TLK1: variants seen among roughly 807,000 people sequenced by gnomAD.
TLK1 encodes tousled like kinase 1.
TLK1 carries 24 observed loss-of-function variants against 105.3 expected under a neutral mutation model. That is an observed-to-expected ratio of 0.23 (90% CI 0.17 to 0.32). The LOEUF (loss-of-function observed/expected upper bound fraction) is 0.32, where lower values mean the gene tolerates loss of function less well. TLK1 is among the 10% of genes least tolerant of loss of function. The pLI, the probability that TLK1 is intolerant of heterozygous loss-of-function variation, is 1.00. For synonymous variants in TLK1, 321 were observed against 310.4 expected (o/e 1.03, Z -0.36); for missense variants, 558 against 910.5 (o/e 0.61, Z 4.98).
intron 1 of TLK1, among the ~76,000 whole-genome samples, chr2:171,126,890 G>T (rs192906984): frequency 6.7e-6 from 1 of 149,754 alleles, no homozygotes; most frequent in East Asian, 1.9e-4. Context: ...CTATGACAAC[G>T]AAATTATTTC....
At chr2:171,011,056 G>C (rs1684892580) in intron 14 of TLK1, among the ~76,000 whole-genome samples, 1 of 152,108 alleles carries the variant, frequency 6.6e-6, no homozygotes, top group African/African-American at 2.4e-5. Flanking sequence ...CCATACTAGA[G>C]TGCAGTGGTG....
upstream of TLK1, among the ~76,000 whole-genome samples, chr2:171,161,581 G>A (rs1006525363): frequency 1.3e-5 from 2 of 152,200 alleles, no homozygotes; most frequent in African/African-American, 2.4e-5. Context: ...CAGTTTTGTA[G>A]ACTGTATGGT....
chr2:171,205,749 A>C (rs1433253732), intron 1 of TLK1, among the ~76,000 whole-genome samples: 6 of 152,180 alleles, frequency 3.9e-5, no homozygotes, highest in Non-Finnish European at 8.8e-5. Flanking sequence ...CATTCTCTTC[A>C]CTTAAGCTGA....
intron 1 of TLK1, among the ~76,000 whole-genome samples, chr2:171,167,293 G>A (rs1692627109): frequency 6.6e-6 from 1 of 152,164 alleles, no homozygotes; most frequent in Admixed American, 6.5e-5. Flanking sequence ...TCTTATCAGA[G>A]TGAATTGAAA....
Position 171,210,045 on chromosome 2 carries a change from A to C in TLK1, c.-6+21100T>G, listed in dbSNP as rs114950015. On this transcript the variant is annotated intron_variant, in intron 1 of 20. Coordinates refer to the TLK1 transcript ENST00000521943. ...CTATTAGCTAATCAGGTAAATCAAAATACAGTGTCATGTCTTCATTTATGT... is the reference window on the plus strand; with the variant it reads ...CTATTAGCTAATCAGGTAAATCAAACTACAGTGTCATGTCTTCATTTATGT... Among the ~76,000 whole-genome samples the C allele has an allele frequency of 3.8e-3, 574 of 152,270 alleles. 7 individuals are homozygous for C. Among genetic ancestry groups the C allele is most frequent in the African/African-American group, 0.012 (519 of 41,536 alleles).
intron 1 of TLK1, among the ~76,000 whole-genome samples, chr2:171,118,761 G>T (rs1035267536): frequency 6.6e-6 from 1 of 152,182 alleles, no homozygotes; most frequent in Non-Finnish European, 1.5e-5. Flanking sequence ...AATCCAGAAT[G>T]ACTTGGGGAA....
In TLK1 at chr2:170,992,021, GTTTAAC is replaced by G. The variant is rs1287859371; in HGVS notation, c.*1753_*1758del. On this transcript the variant is annotated 3_prime_UTR_variant, in exon 21 of 21. Transcript: ENST00000431350. The stretch of plus-strand genomic sequence containing the variant: ...GAGTTGCCTTGATAATGGTTATTAG[GTTTAAC>G]TTTAACAGCTTGAAACAATTTACAC... 3 of 151,990 alleles carry G rather than the reference GTTTAAC, an allele frequency of 2.0e-5. No individual in the cohort carries two copies. The highest frequency in any genetic ancestry group is 4.4e-5 in the Non-Finnish European group (3 of 67,988). The allele number at this position is 151,990 out of a possible 1,614,324, so 9.4% of individuals were successfully genotyped here.
intron 3 of TLK1, among the ~76,000 whole-genome samples, chr2:171,063,129 T>C (rs1159757807): frequency 6.6e-6 from 1 of 152,152 alleles, no homozygotes; most frequent in African/African-American, 2.4e-5. Flanking sequence ...GCAGATCATA[T>C]GAGGTCAGGA....
chr2:171,015,283 C>T lies in TLK1; in HGVS notation c.1237-335G>A, dbSNP rs575476379. On this transcript the variant is annotated intron_variant, in intron 12 of 20. Coordinates refer to ENST00000431350, the MANE Select transcript of TLK1 (RefSeq NM_012290.5). ...TAAAATGAGCCATTTCTAGTCCATG[C>T]AAATTTTAATTTAAGAAGGAATAAT... Among the ~76,000 whole-genome samples the T allele has an allele frequency of 2.6e-3, 372 of 143,136 alleles. 1 individual carries two copies. Among genetic ancestry groups the T allele is most frequent in the Middle Eastern group, 7.4e-3 (2 of 272 alleles). 93.9% of individuals were successfully genotyped at this position (143,136 alleles called of 152,430 possible). A position where few individuals can be genotyped will look rare whatever the true frequency, so the allele number is the denominator to read the frequency against.
At chr2:171,014,778 T>C in intron 13 of TLK1, 73 bp downstream of exon 13, 6 of 1,092,720 alleles carry the variant, frequency 5.5e-6, no homozygotes, top group African/African-American at 1.6e-5. Context: ...GAAGGAAATA[T>C]TGTGTTTATG....
At chr2:171,186,272 C>A (rs1439628799) in intron 1 of TLK1, among the ~76,000 whole-genome samples, 1 of 152,176 alleles carries the variant, frequency 6.6e-6, no homozygotes, top group Non-Finnish European at 1.5e-5. Flanking sequence ...CCTCTGTGCT[C>A]CTGTAGCAAT....
intron 12 of TLK1, among the ~76,000 whole-genome samples, chr2:171,023,450 C>T (rs1395993103): frequency 2.0e-5 from 3 of 151,834 alleles, no homozygotes; most frequent in Non-Finnish European, 4.4e-5. Flanking sequence ...AAAACACACA[C>T]ATTAAAGCCA....
intron 1 of TLK1, among the ~76,000 whole-genome samples, chr2:171,214,031 A>G (rs543343635): frequency 6.6e-6 from 1 of 151,334 alleles, no homozygotes; most frequent in African/African-American, 2.4e-5. Context: ...GAATAGTTTT[A>G]GAAAATTTTT....
At chr2:171,077,876 G>T (rs1688583735) in intron 3 of TLK1, among the ~76,000 whole-genome samples, 1 of 152,218 alleles carries the variant, frequency 6.6e-6, no homozygotes, top group Non-Finnish European at 1.5e-5. Context: ...ATGAGCTAAT[G>T]AAAGTTAAAA....
intron 1 of TLK1, among the ~76,000 whole-genome samples, chr2:171,201,143 C>G (rs1337709568): frequency 1.3e-5 from 2 of 152,108 alleles, no homozygotes; most frequent in Non-Finnish European, 2.9e-5. Context: ...CTCAGCCTCC[C>G]AAAGTGCTGG....
intron 18 of TLK1, among the ~76,000 whole-genome samples, chr2:171,001,345 G>T (rs1684360167): frequency 1.3e-5 from 2 of 152,118 alleles, no homozygotes; most frequent in South Asian, 4.1e-4. Context: ...GGGGACTCAT[G>T]GGCTCCTAGG....
intron 11 of TLK1, among the ~76,000 whole-genome samples, chr2:171,043,887 C>A (rs549572732): frequency 3.3e-5 from 5 of 152,230 alleles, no homozygotes; most frequent in African/African-American, 1.2e-4. Context: ...CCCACACTTT[C>A]TTTTAATACA....
chr2:171,049,726 G>C (rs1687142047), intron 10 of TLK1, 88 bp downstream of exon 10: 1 of 1,506,696 alleles, frequency 6.6e-7, no homozygotes. Context: ...GCGAGGAACT[G>C]GAGAGCATAA....
Position 171,022,092 on chromosome 2 carries a change from C to CACACACACAG in TLK1, c.1236+6246_1236+6247insCTGTGTGTGT, listed in dbSNP as rs149075161. On this transcript the variant is annotated intron_variant, in intron 12 of 20. Transcript: ENST00000431350. ...CACTCCAGCCTGGGCGAAAAACACA[C>CACACACACAG]ACACACACACACACACACACACACA... Among the ~76,000 whole-genome samples the CACACACACAG allele has an allele frequency of 5.1e-3, 753 of 147,910 alleles. 3 individuals carry two copies. Among genetic ancestry groups the CACACACACAG allele is most frequent in the East Asian group, 0.015 (74 of 5,078 alleles).
Sources: gnomAD v4.1 joint callset for allele counts (sites outside exome capture counted in the v4.1 genomes callset) on GRCh38, gnomAD v4.1.1 for gene constraint, MANE v1.5 for transcripts, NCBI Gene and HGNC (gene_info 2026-07-23, HGNC 2026-07-21) for gene names.